The following FRMD4A variants were observed in gnomAD, a reference collection of about 807,000 sequenced individuals.
The protein encoded by FRMD4A is FERM domain-containing protein 4A.
FRMD4A carries 29 observed loss-of-function variants against 129.1 expected under a neutral mutation model. The observed-to-expected ratio is 0.22, with a 90% CI of 0.17 to 0.31. The LOEUF (loss-of-function observed/expected upper bound fraction) is 0.31, where lower values mean the gene tolerates loss of function less well. FRMD4A is among the 10% of genes least tolerant of loss of function. FRMD4A has a pLI of 1.00. For synonymous variants in FRMD4A, 634 were observed against 571.6 expected, an observed-to-expected ratio of 1.11 and a Z score of -1.56; for missense variants, 1,272 against 1,375.8, an observed-to-expected ratio of 0.92 and a Z score of 1.19.
chr10:13,964,537 C>G (rs2095471480), intron 2 of FRMD4A, among the ~76,000 whole-genome samples: 2 of 152,142 alleles, frequency 1.3e-5, no homozygotes, highest in South Asian at 2.1e-4. Context: ...ACCAATGAAG[C>G]TTAAACTTCA....
At chr10:13,814,630 G>GAAAAA (rs1187607399) in intron 3 of FRMD4A, among the ~76,000 whole-genome samples, 1 of 112,354 alleles carries the variant, frequency 8.9e-6, no homozygotes, top group East Asian at 2.5e-4. Context: ...AAGAGAGAGA[G>GAAAAA]AAAAAAAAGA....
chr10:14,306,679 C>A (rs1365960654), intron 2 of FRMD4A, among the ~76,000 whole-genome samples: 1 of 152,140 alleles, frequency 6.6e-6, no homozygotes, highest in East Asian at 1.9e-4. Flanking sequence ...AAGGGGAATG[C>A]ACTAGTTACA....
chr10:14,147,092 G>T (rs546540029), intron 2 of FRMD4A, among the ~76,000 whole-genome samples: 1 of 152,292 alleles, frequency 6.6e-6, no homozygotes, highest in East Asian at 1.9e-4. Context: ...TTGAAAGATG[G>T]CCTGGATCTT....
intron 5 of FRMD4A, among the ~76,000 whole-genome samples, chr10:13,785,011 T>G (rs1588703779): frequency 7.8e-6 from 1 of 128,164 alleles, no homozygotes; most frequent in African/African-American, 3.2e-5. Context: ...AAAAAAAAAG[T>G]ATCTTTTACC....
intron 13 of FRMD4A, 89 bp from the exon 14 acceptor site, chr10:13,701,567 GTCC>G (rs1041291568): frequency 4.0e-6 from 5 of 1,237,444 alleles, no homozygotes. Context: ...AACCCACTGC[GTCC>G]TAGAAGCCCT....
At chr10:13,684,518 A>G in intron 15 of FRMD4A, 1 of 985,304 alleles carries the variant, frequency 1.0e-6, no homozygotes, top group Non-Finnish European at 1.2e-6. Flanking sequence ...CCAGCAGCAC[A>G]AACAGCAGCT....
chr10:13,772,968 A>C (rs1264397787), intron 6 of FRMD4A, among the ~76,000 whole-genome samples: 1 of 152,240 alleles, frequency 6.6e-6, no homozygotes, highest in East Asian at 1.9e-4. Context: ...GATTGTTTGT[A>C]ACACAAAGGA....
At chr10:13,652,717 A>T (rs1350704385) in intron 23 of FRMD4A, 1 of 152,354 alleles carries the variant, frequency 6.6e-6, no homozygotes, top group African/African-American at 2.4e-5. Context: ...TTTAAAAGGA[A>T]TCAGAGGCAG....
In FRMD4A at chr10:13,693,880, C is replaced by T; in HGVS notation, c.1117+18G>A. On this transcript the variant is annotated intron_variant, in intron 15 of 24. Transcript: ENST00000357447. Reference sequence around the variant, plus strand: ...CAGCCATGCTCAGGGGGCGTCCCTCCAGCTGGCCTCTGCCTACCTGAAGAC... The same window carrying T: ...CAGCCATGCTCAGGGGGCGTCCCTCTAGCTGGCCTCTGCCTACCTGAAGAC... 1 of 1,608,390 alleles carries T rather than the reference C, an allele frequency of 6.2e-7. No individual in the cohort carries two copies. The highest frequency in any genetic ancestry group is 2.2e-5 in the East Asian group (1 of 44,828).
intron 2 of FRMD4A, among the ~76,000 whole-genome samples, chr10:13,923,510 C>T (rs2797862): frequency 0.86 from 130,783 of 152,206 alleles, 56,339 homozygotes; most frequent in Middle Eastern, 0.97. Flanking sequence ...ACACATAAAC[C>T]GGGTATGTTA....
chr10:14,071,701 C>T (rs1372924209), intron 2 of FRMD4A, among the ~76,000 whole-genome samples: 1 of 151,878 alleles, frequency 6.6e-6, no homozygotes, highest in Non-Finnish European at 1.5e-5. Context: ...CTTGGGTGTT[C>T]TTGGTGGCTT....
At chr10:13,743,734 G>A (rs1192465274) in intron 9 of FRMD4A, among the ~76,000 whole-genome samples, 2 of 152,054 alleles carry the variant, frequency 1.3e-5, no homozygotes, top group African/African-American at 4.8e-5. Context: ...TCCATCCTCA[G>A]CTTTTCCTGC....
chr10:13,889,589 A>G (rs1308991521), intron 2 of FRMD4A, among the ~76,000 whole-genome samples: 1 of 152,188 alleles, frequency 6.6e-6, no homozygotes, highest in African/African-American at 2.4e-5. Context: ...TACAAAGAGA[A>G]CCCGTGCCAT....
Position 13,644,390 on chromosome 10 carries a change from G to A in FRMD4A, c.*2648C>T, listed in dbSNP as rs2080987719. 1 of 152,116 alleles carries A rather than the reference G, an allele frequency of 6.6e-6. No homozygotes were observed. The highest frequency in any genetic ancestry group is 1.5e-5 in the Non-Finnish European group (1 of 68,026). 9.4% of individuals were successfully genotyped at this position (152,116 alleles called of 1,614,324 possible). A position where few individuals can be genotyped will look rare whatever the true frequency, so the allele number is the denominator to read the frequency against. ...GATCATTAATCATGTCAGTCTCAAAGGACTAACGTTTTATGTACATTTTGT... is the reference window on the plus strand; with the variant it reads ...GATCATTAATCATGTCAGTCTCAAAAGACTAACGTTTTATGTACATTTTGT... On this transcript the variant is annotated 3_prime_UTR_variant, in exon 25 of 25. Transcript: ENST00000357447.
At chr10:14,312,013 C>T (rs1400368876) in intron 2 of FRMD4A, among the ~76,000 whole-genome samples, 1 of 152,114 alleles carries the variant, frequency 6.6e-6, no homozygotes, top group South Asian at 2.1e-4. Context: ...AAATTTCAAT[C>T]TTAGATATCT....
At chr10:13,705,533 T>C (rs2087339776) in intron 13 of FRMD4A, among the ~76,000 whole-genome samples, 1 of 152,118 alleles carries the variant, frequency 6.6e-6, no homozygotes, top group South Asian at 2.1e-4. Context: ...TCTGACCCAT[T>C]GTGGCAAAGT....
At position 14,330,778 on chromosome 10, in the gene FRMD4A, CCCCAGAT is replaced by C; in HGVS notation, c.-270_-264del. On this transcript the variant is annotated 5_prime_UTR_variant, in exon 1 of 25. Transcript: ENST00000357447. ...ACTTAGGAACTGACCCTTCCACCTT[CCCCAGAT>C]CTACTTTTCCTCTCCAAGTAGACTG... 2.5e-6 allele frequency: 1 copy of C among 398,832 alleles called. No homozygotes were observed. The highest frequency in any genetic ancestry group is 3.6e-5 in the East Asian group (1 of 28,074). 24.7% of individuals were successfully genotyped at this position (398,832 alleles called of 1,614,324 possible).
intron 2 of FRMD4A, among the ~76,000 whole-genome samples, chr10:14,188,952 G>T (rs1246917046): frequency 6.6e-6 from 1 of 152,158 alleles, no homozygotes; most frequent in African/African-American, 2.4e-5. Flanking sequence ...TCCTTTCTGG[G>T]AAGCTTTCCC....
chr10:14,326,518 T>C (rs1316342591), intron 2 of FRMD4A: 2 of 218,914 alleles, frequency 9.1e-6, no homozygotes, highest in African/African-American at 4.5e-5. Context: ...AGATAATGTA[T>C]TTAAAGACAC....
Sources: allele counts gnomAD v4.1 joint callset (sites outside exome capture counted in the v4.1 genomes callset), GRCh38; gene constraint gnomAD v4.1.1; transcripts MANE v1.5; gene names NCBI Gene and HGNC (gene_info 2026-07-23, HGNC 2026-07-21).